Variants in SH2D3C observed in about 807,000 individuals in gnomAD.
SH2D3C encodes SH2 domain containing 3C, also known as SH2 domain-containing protein 3C.
SH2D3C carries 25 observed loss-of-function variants against 75.2 expected under a neutral mutation model. The observed-to-expected ratio is 0.33, with a 90% CI of 0.24 to 0.46. SH2D3C has a LOEUF of 0.46. Among genes scored for constraint, SH2D3C ranks in the 20% least tolerant of loss-of-function variants. The pLI is 1.00. For synonymous variants in SH2D3C, 450 were observed against 473.7 expected (o/e 0.95, Z 0.65); for missense variants, 933 against 1,165.3 (o/e 0.80, Z 2.90).
chr9:127,738,867 C>T lies in SH2D3C; in HGVS notation c.2462G>A (p.Arg821His), dbSNP rs201353110. The change falls in exon 12 of 12, where the codon CGC becomes CAC. Residue 821 changes from arginine to histidine, a missense_variant. By Grantham distance (29) the Arg-to-His change is conservative. Coordinates refer to ENST00000314830, the MANE Select transcript of SH2D3C (RefSeq NM_170600.3). This position sits in a 1 kb window ranked among gnomAD's most constrained non-coding sequence, Gnocchi z 5.0. ...LEVFSTEFQM[R>H]LLWGSQGASS... Reference sequence around the variant, plus strand: ...GGCACCCTGACTGCCCCAGAGAAGGCGCATCTGGAACTCCGTGCTGAACAC... The same window carrying T: ...GGCACCCTGACTGCCCCAGAGAAGGTGCATCTGGAACTCCGTGCTGAACAC... 17 of 1,599,136 alleles carry T rather than the reference C, an allele frequency of 1.1e-5. No homozygotes were observed. Among genetic ancestry groups the T allele is most frequent in the Middle Eastern group, 1.6e-4 (1 of 6,062 alleles).
In SH2D3C at chr9:127,754,112, T is replaced by C. The variant is rs1194760717; in HGVS notation, c.556-2812A>G. On this transcript the variant is annotated intron_variant, in intron 3 of 11. Transcript: ENST00000314830. This position sits in a 1 kb window ranked among gnomAD's most constrained non-coding sequence, Gnocchi z 4.4. ...CCTGGGAGCCCCCAGTTCCCTAGAG[T>C]TGGGGGTGCTGGGGTGCGAATGCAG... Among the ~76,000 whole-genome samples the C allele has an allele frequency of 6.6e-6, 1 of 152,038 alleles. No homozygotes were observed. Among genetic ancestry groups the C allele is most frequent in the East Asian group, 1.9e-4 (1 of 5,164 alleles).
Position 127,749,345 on chromosome 9 carries a change from T to G in SH2D3C, c.1005A>C (p.Gly335=). ...GGCTAGCAGGCTTGCTACTCCCCTG[T>G]CCCAGGCCATAGCTGGCCTCGAGGT... is the stretch of plus-strand genomic sequence containing the variant. ...LRYLEASYGL[G]QGSSKPASPV... is the part of the protein sequence containing the mutation. The change falls in exon 5 of 12, where the codon GGA becomes GGC. Residue 335 remains glycine (G), a synonymous_variant. Transcript: ENST00000314830. This position sits in a 1 kb window ranked among gnomAD's most constrained non-coding sequence, Gnocchi z 5.9. The G allele has an allele frequency of 6.2e-7, 1 of 1,613,566 alleles. No individual in the cohort carries two copies. Among genetic ancestry groups the G allele is most frequent in the Non-Finnish European group, 8.5e-7 (1 of 1,179,842 alleles).
chr9:127,741,069 G>T (rs1050645536), intron 9 of SH2D3C, among the ~76,000 whole-genome samples: 1 of 152,156 alleles, frequency 6.6e-6, no homozygotes, highest in African/African-American at 2.4e-5. Context: ...GCCTCTGACC[G>T]TATGACCTTA....
At chr9:127,757,620 TGATGATG>T (rs1564419710) in intron 3 of SH2D3C, among the ~76,000 whole-genome samples, 3 of 120,164 alleles carry the variant, frequency 2.5e-5, no homozygotes, top group East Asian at 2.3e-4. Flanking sequence ...ATGATGATGA[TGATGATG>T]ATGATGATGA....
rs1403567952 is a variant in SH2D3C, at chr9:127,754,769, G to A, written c.556-3469C>T. The stretch of plus-strand genomic sequence containing the variant: ...CCAGGCGGAGGACCGGCAGGACGCC[G>A]GAGACCCCATCTCCCAGTCCCCCCT... On this transcript the variant is annotated intron_variant, in intron 3 of 11. Coordinates refer to ENST00000314830, the MANE Select transcript of SH2D3C (RefSeq NM_170600.3). The surrounding 1 kb of genome is among the most constrained non-coding windows in gnomAD (Gnocchi z 4.4). The A allele has an allele frequency of 4.2e-6, 2 of 471,420 alleles. No individual in the cohort carries two copies. The highest frequency in any genetic ancestry group is 3.1e-5 in the South Asian group (2 of 63,984). 29.2% of individuals were successfully genotyped at this position (471,420 alleles called of 1,614,324 possible).
chr9:127,761,726 T>G, intron 2 of SH2D3C, 76 bp from the exon 3 acceptor site: 1 of 1,291,276 alleles, frequency 7.7e-7, no homozygotes, highest in South Asian at 1.2e-5. Context: ...CCTGCCTGCC[T>G]GGGGCCAGCA....
At chr9:127,747,797 C>T (rs902229558) in intron 5 of SH2D3C, among the ~76,000 whole-genome samples, 2 of 152,182 alleles carry the variant, frequency 1.3e-5, no homozygotes, top group African/African-American at 4.8e-5. Context: ...ACCTCATCCT[C>T]GCAAAGTGCT....
intron 2 of SH2D3C, among the ~76,000 whole-genome samples, chr9:127,772,835 TC>T (rs149442345): frequency 6.6e-6 from 1 of 151,914 alleles, no homozygotes; most frequent in Middle Eastern, 3.4e-3. Context: ...AATAATTGAA[TC>T]TTTTTTTTTT....
rs1032651509 is a variant in SH2D3C, at chr9:127,739,930, G to C, written c.2201-42C>G. ...AGCAGGCGCTTAAAGATCCTGTAGT[G>C]CCCCACCATCCACTGCAGTCCTGGA... On this transcript the variant is annotated intron_variant, in intron 10 of 11. Coordinates refer to ENST00000314830, the MANE Select transcript of SH2D3C (RefSeq NM_170600.3). The surrounding 1 kb of genome is among the most constrained non-coding windows in gnomAD (Gnocchi z 4.3). The C allele has an allele frequency of 6.8e-7, 1 of 1,469,604 alleles. No individual in the cohort carries two copies. The highest frequency in any genetic ancestry group is 1.4e-5 in the South Asian group (1 of 73,274). The allele number at this position is 1,469,604 out of a possible 1,614,324, so 91.0% of individuals were successfully genotyped here. A position where few individuals can be genotyped will look rare whatever the true frequency, so the allele number is the denominator to read the frequency against.
At position 127,774,443 on chromosome 9, in the gene SH2D3C, C is replaced by T; in HGVS notation, c.62G>A (p.Gly21Glu). 2 of 1,593,050 alleles carry T rather than the reference C, an allele frequency of 1.3e-6. No individual in the cohort carries two copies. The highest frequency in any genetic ancestry group is 2.2e-5 in the East Asian group (1 of 44,576). Reference protein sequence around the residue: ...KFKFFKFKGFGSLSNLPRSFT... With the variant: ...KFKFFKFKGFESLSNLPRSFT... The stretch of plus-strand genomic sequence containing the variant: ...GGACCGAGGGAGGTTGGAGAGACTC[C>T]CAAAGCCCTTGAACTTGAAGAACTC... Residue 21 changes from glycine (G) to glutamate (E), a missense_variant, in exon 2 of 12, where the codon GGG becomes GAG. Physicochemically the swap from Gly to Glu is moderately conservative, Grantham distance 98 (BLOSUM62 -2). Transcript: ENST00000314830. The surrounding 1 kb of genome is among the most constrained non-coding windows in gnomAD (Gnocchi z 4.3).
In SH2D3C at chr9:127,766,989, G is replaced by A. The variant is rs115584033; in HGVS notation, c.516-5339C>T. The A allele has an allele frequency of 3.9e-3, 6,034 of 1,536,136 alleles. 196 individuals are homozygous for A. The African/African-American group carries it at 0.069, about 17-fold the overall frequency. ...CAAAAAGAGCTGGGTGGAAAGCCCC[G>A]TCTCTGCCAGGACACCAGCCATGGG... On this transcript the variant is annotated intron_variant, in intron 2 of 11. Transcript: ENST00000314830.
At position 127,744,889 on chromosome 9, in the gene SH2D3C, G is replaced by C. The variant is rs777888111; in HGVS notation, c.1475C>G (p.Ser492Cys). The change falls in exon 7 of 12, where the codon TCT (serine) becomes TGT (cysteine). Residue 492 changes from serine (S) to cysteine (C), a missense_variant. Ser to Cys is a moderately radical substitution (Grantham distance 112). Coordinates refer to ENST00000314830, the MANE Select transcript of SH2D3C (RefSeq NM_170600.3). ...PSLSSYSDPD[S>C]GHYCQLQPPV... ...AGGCTGGAGCTGGCAGTAGTGGCCA[G>C]AGTCCGGGTCACTGTAGCTGCTGAG... 1.2e-6 allele frequency: 2 copies of C among 1,613,434 alleles called. No homozygotes were observed. Among genetic ancestry groups the C allele is most frequent in the South Asian group, 2.2e-5 (2 of 91,002 alleles).
rs577445588 is a variant in SH2D3C, at chr9:127,777,552, C to T, written c.37+1039G>A. Among the ~76,000 whole-genome samples, 393 of 147,946 alleles carry T rather than the reference C, an allele frequency of 2.7e-3. 4 individuals carry two copies. Among genetic ancestry groups the T allele is most frequent in the African/African-American group, 8.7e-3 (351 of 40,162 alleles). On this transcript the variant is annotated intron_variant, in intron 1 of 11. Transcript: ENST00000314830. ...TAACTCCCCACCTGGGATCCCATGA[C>T]GCCCCCATCCCTCTGCTGCCCCAGT...
chr9:127,759,938 G>A (rs929080789), intron 3 of SH2D3C, among the ~76,000 whole-genome samples: 20 of 149,850 alleles, frequency 1.3e-4, no homozygotes, highest in South Asian at 8.4e-4. Flanking sequence ...AGCCAAAATC[G>A]CACCACTGTG....
At position 127,772,557 on chromosome 9, in the gene SH2D3C, G is replaced by A. The variant is rs115322974; in HGVS notation, c.515+1433C>T. ...TTACAGGCGTGAGCCACTGCGCCCG[G>A]CCAGCTGACTTTTTTTCTTTATTTC... On this transcript the variant is annotated intron_variant, in intron 2 of 11. Coordinates refer to ENST00000314830, the MANE Select transcript of SH2D3C (RefSeq NM_170600.3). Among the ~76,000 whole-genome samples, 1,170 of 152,214 alleles carry A rather than the reference G, an allele frequency of 7.7e-3. 15 individuals are homozygous for A. The highest frequency in any genetic ancestry group is 0.027 in the African/African-American group (1,113 of 41,538).
At chr9:127,755,200 C>T in intron 3 of SH2D3C, 2 of 1,138,282 alleles carry the variant, frequency 1.8e-6, no homozygotes, top group Non-Finnish European at 2.2e-6. Context: ...TGTGGGGGGG[C>T]GGTGGCCGGC....
At position 127,745,057 on chromosome 9, in the gene SH2D3C, G is replaced by A. The variant is rs534443657; in HGVS notation, c.1307C>T (p.Ala436Val). ...GCGGGCGACAGGGGAGGCAGGCAAT[G>A]CTGTGGCAGAAGGGGCTGCAGGGGC... ...HAAPAAPSATALPASPVARRS... is the reference protein window; with the variant it reads ...HAAPAAPSATVLPASPVARRS... The change falls in exon 7 of 12, where the codon GCA (alanine) becomes GTA (valine). Residue 436 changes from alanine (A) to valine (V), a missense_variant. Coordinates refer to ENST00000314830, the MANE Select transcript of SH2D3C (RefSeq NM_170600.3). The A allele has an allele frequency of 4.0e-6, 6 of 1,510,980 alleles. No homozygotes were observed. In the East Asian group the frequency reaches 6.8e-5, roughly 17 times the overall value. The allele number at this position is 1,510,980 out of a possible 1,614,324, so 93.6% of individuals were successfully genotyped here.
intron 2 of SH2D3C, among the ~76,000 whole-genome samples, chr9:127,765,672 G>T (rs1390543391): frequency 6.6e-6 from 1 of 152,094 alleles, no homozygotes; most frequent in Non-Finnish European, 1.5e-5. Flanking sequence ...TTTGGCTAGG[G>T]TCATTCCTAC....
intron 1 of SH2D3C, among the ~76,000 whole-genome samples, chr9:127,777,558 C>T (rs1829044862): frequency 6.6e-6 from 1 of 151,712 alleles, no homozygotes; most frequent in South Asian, 2.1e-4. Flanking sequence ...ATGACGCCCC[C>T]ATCCCTCTGC....
Sources: gnomAD v4.1 joint callset for allele counts (sites outside exome capture counted in the v4.1 genomes callset) on GRCh38, gnomAD v4.1.1 for gene constraint, Gnocchi (gnomAD v3.1) non-coding constraint, MANE v1.5 for transcripts, NCBI Gene and HGNC (gene_info 2026-07-23, HGNC 2026-07-21) for gene names.